The following QTMAN variants were observed in gnomAD, a reference collection of about 807,000 sequenced individuals.
QTMAN encodes the protein queuosine-tRNA mannosyltransferase.
the QTMAN span, among the ~76,000 whole-genome samples, chr2:143,993,562 A>T: frequency 6.6e-6 from 1 of 152,196 alleles, no homozygotes; most frequent in African/African-American, 2.4e-5. Context: ...GGAGAAAGCA[A>T]TGTGACTGGA....
chr2:144,028,945 T>A, the QTMAN span, among the ~76,000 whole-genome samples: 1 of 152,194 alleles, frequency 6.6e-6, no homozygotes, highest in Non-Finnish European at 1.5e-5. Flanking sequence ...TTGTAGGGTG[T>A]CTGTGTAAAA....
chr2:143,988,391 T>C, the QTMAN span, among the ~76,000 whole-genome samples: 2 of 152,162 alleles, frequency 1.3e-5, no homozygotes, highest in Non-Finnish European at 2.9e-5. Context: ...TTTTAGAGGA[T>C]ACCAATGTGG....
chr2:144,130,092 GAAA>G, the QTMAN span, among the ~76,000 whole-genome samples: 6 of 118,208 alleles, frequency 5.1e-5, no homozygotes, highest in African/African-American at 1.5e-4. Context: ...CTAATTTCTG[GAAA>G]AAAAAAAAAA....
the QTMAN span, among the ~76,000 whole-genome samples, chr2:144,028,279 C>A: frequency 6.6e-6 from 1 of 152,132 alleles, no homozygotes; most frequent in African/African-American, 2.4e-5. Flanking sequence ...GTGGTTGGCA[C>A]AAATACTTGC....
the QTMAN span, among the ~76,000 whole-genome samples, chr2:144,220,107 A>T: frequency 6.6e-6 from 1 of 152,180 alleles, no homozygotes; most frequent in South Asian, 2.1e-4. Context: ...AAAGTTTAAA[A>T]AGCTCAGAAA....
chr2:143,947,284 C>T, the QTMAN span: 1 of 636,512 alleles, frequency 1.6e-6, no homozygotes, highest in Non-Finnish European at 2.8e-6. Flanking sequence ...TCTTGAGTTT[C>T]ATCACCTCAG....
the QTMAN span, among the ~76,000 whole-genome samples, chr2:144,268,753 A>G: frequency 6.6e-6 from 1 of 152,206 alleles, no homozygotes; most frequent in Non-Finnish European, 1.5e-5. Flanking sequence ...TTGCTATGTT[A>G]TAATTATTAA....
the QTMAN span, among the ~76,000 whole-genome samples, chr2:144,321,498 T>C: frequency 0.13 from 19,161 of 152,270 alleles, 1,534 homozygotes; most frequent in Non-Finnish European, 0.17. Flanking sequence ...TTGCAGATAG[T>C]TAATTCACAA....
chr2:144,332,609 C>T, the QTMAN span: 1 of 150,540 alleles, frequency 6.6e-6, no homozygotes, highest in Non-Finnish European at 1.5e-5. Context: ...GCCCCTCGGC[C>T]CGCCCGCGCA....
At chr2:144,176,815 A>G in the QTMAN span, among the ~76,000 whole-genome samples, 1 of 152,202 alleles carries the variant, frequency 6.6e-6, no homozygotes, top group Non-Finnish European at 1.5e-5. Flanking sequence ...CTCCTTGGAC[A>G]CTGTACTAGT....
the QTMAN span, among the ~76,000 whole-genome samples, chr2:144,234,120 A>T: frequency 6.6e-6 from 1 of 152,188 alleles, no homozygotes; most frequent in Non-Finnish European, 1.5e-5. Context: ...AGATTATAAC[A>T]TTAGAATCTG....
chr2:144,328,003 G>A, the QTMAN span, among the ~76,000 whole-genome samples: 4 of 152,092 alleles, frequency 2.6e-5, no homozygotes, highest in Non-Finnish European at 2.9e-5. Context: ...CCAGGCCGGC[G>A]TGCAGTGGTG....
the QTMAN span, among the ~76,000 whole-genome samples, chr2:144,310,199 G>A: frequency 1.3e-5 from 2 of 152,128 alleles, no homozygotes; most frequent in African/African-American, 4.8e-5. Context: ...TCACCTGGGG[G>A]ATGAACATTA....
the QTMAN span, among the ~76,000 whole-genome samples, chr2:144,278,773 A>G: frequency 2.0e-4 from 31 of 152,238 alleles, no homozygotes; most frequent in East Asian, 6.0e-3. Context: ...GCAATTCCTG[A>G]AAAGTGTCAC....
chr2:144,224,525 G>A, the QTMAN span, among the ~76,000 whole-genome samples: 1 of 152,190 alleles, frequency 6.6e-6, no homozygotes, highest in Admixed American at 6.5e-5. Flanking sequence ...CACCTATAAA[G>A]AAAAATAACA....
the QTMAN span, among the ~76,000 whole-genome samples, chr2:144,266,124 T>C: frequency 2.0e-5 from 3 of 152,132 alleles, no homozygotes; most frequent in African/African-American, 7.2e-5. Context: ...GATGAGGTCA[T>C]TGTGAGAAGA....
the QTMAN span, among the ~76,000 whole-genome samples, chr2:144,307,939 A>G: frequency 6.6e-6 from 1 of 152,224 alleles, no homozygotes; most frequent in African/African-American, 2.4e-5. Flanking sequence ...TGGAAATTAA[A>G]ATTCCCAGAA....
chr2:144,289,087 G>GCC, the QTMAN span, among the ~76,000 whole-genome samples: 1 of 143,108 alleles, frequency 7.0e-6, no homozygotes, highest in South Asian at 2.2e-4. Flanking sequence ...AGTCTGGAGC[G>GCC]CAGTGGTGCG....
the QTMAN span, among the ~76,000 whole-genome samples, chr2:144,025,792 C>T: frequency 2.0e-5 from 3 of 152,196 alleles, no homozygotes; most frequent in South Asian, 2.1e-4. Context: ...ATGTAACTAG[C>T]GTACTCCCCT....
Sources: allele counts gnomAD v4.1 joint callset (sites outside exome capture counted in the v4.1 genomes callset), GRCh38; gene constraint gnomAD v4.1.1; transcripts MANE v1.5; gene names NCBI Gene and HGNC (gene_info 2026-07-23, HGNC 2026-07-21).